PCLO: variants seen among roughly 807,000 people sequenced by gnomAD.
PCLO encodes the protein protein piccolo.
In PCLO, 82 loss-of-function variants were observed where a neutral mutation model predicts 427.5. The observed-to-expected ratio is 0.19, with a 90% confidence interval of 0.16 to 0.23. PCLO has a LOEUF of 0.23. PCLO is among the 10% of genes least tolerant of loss of function. The pLI is 1.00. For missense variants in PCLO, 6,239 were observed against 6,115.9 expected, an observed-to-expected ratio of 1.02 and a Z score of -0.67; for synonymous variants, 2,357 against 2,155.4, an observed-to-expected ratio of 1.09 and a Z score of -2.59.
intron 3 of PCLO, among the ~76,000 whole-genome samples, chr7:83,092,499 G>A (rs996295324): frequency 4.6e-5 from 7 of 152,068 alleles, no homozygotes; most frequent in South Asian, 2.1e-4. Context: ...TCCAAGAAGT[G>A]TACTCCCAAA....
chr7:82,759,962 G>A (rs547029470), intron 24 of PCLO, among the ~76,000 whole-genome samples: 1 of 152,020 alleles, frequency 6.6e-6, no homozygotes, highest in African/African-American at 2.4e-5. Flanking sequence ...TTGTGAATAA[G>A]GTAAGATGAA....
intron 6 of PCLO, among the ~76,000 whole-genome samples, chr7:82,936,472 C>A (rs1281329629): frequency 6.6e-6 from 1 of 151,454 alleles, no homozygotes; most frequent in African/African-American, 2.4e-5. Flanking sequence ...AATGAGATAC[C>A]AATTCACATT....
chr7:83,064,647 C>A (rs1271199546), intron 3 of PCLO, among the ~76,000 whole-genome samples: 4 of 151,944 alleles, frequency 2.6e-5, no homozygotes, highest in African/African-American at 4.8e-5. Context: ...CAATATTCCA[C>A]AGGATGGGGA....
At chr7:83,088,650 G>A (rs191302819) in intron 3 of PCLO, among the ~76,000 whole-genome samples, 286 of 152,166 alleles carry the variant, frequency 1.9e-3, no homozygotes, top group Non-Finnish European at 3.1e-3. Context: ...CATTGAATGC[G>A]GACCTCCTTG....
At chr7:82,912,361 G>GA (rs1216771546) in intron 7 of PCLO, among the ~76,000 whole-genome samples, 2 of 151,610 alleles carry the variant, frequency 1.3e-5, no homozygotes, top group East Asian at 3.9e-4. Context: ...CTCATTAGAA[G>GA]AAAAATAGTA....
At chr7:82,905,140 C>T (rs1227682227) in intron 8 of PCLO, among the ~76,000 whole-genome samples, 1 of 152,016 alleles carries the variant, frequency 6.6e-6, no homozygotes, top group African/African-American at 2.4e-5. Context: ...ACATTCCTCT[C>T]CCCAAGGGGA....
intron 3 of PCLO, among the ~76,000 whole-genome samples, chr7:83,031,041 G>T (rs1788653533): frequency 6.6e-6 from 1 of 152,150 alleles, no homozygotes; most frequent in Non-Finnish European, 1.5e-5. Context: ...GGCCACCTCT[G>T]TTTTTAACTT....
At chr7:82,843,255 G>A (rs552795059) in intron 13 of PCLO, among the ~76,000 whole-genome samples, 1 of 152,264 alleles carries the variant, frequency 6.6e-6, no homozygotes, top group South Asian at 2.1e-4. Flanking sequence ...TTTGTAACAA[G>A]ATGGATAAAC....
Position 83,022,990 on chromosome 7 carries a change from G to T in PCLO, c.3301-56503C>A, listed in dbSNP as rs190428729. ...ATCTATAAATGCATATATCAAATCT[G>T]TACATGTATAATCAAATCTAAGATA... On this transcript the variant is annotated intron_variant, in intron 3 of 24. Coordinates refer to ENST00000333891, the MANE Select transcript of PCLO (RefSeq NM_033026.6). 1.1e-3 allele frequency among the ~76,000 whole-genome samples: 168 copies of T among 152,192 alleles called. 1 individual carries two copies. The highest frequency in any genetic ancestry group is 2.1e-3 in the Non-Finnish European group (142 of 68,004).
At position 83,155,589 on chromosome 7, in the gene PCLO, G is replaced by C. The variant is rs777708343; in HGVS notation, c.1052C>G (p.Pro351Arg). ...PLAQQPGTVK[P>R]PVQPPGTTKP... Reference sequence around the variant, plus strand: ...TGTTGTCCCTGGTGGCTGGACTGGGGGTTTCACTGTCCCTGGTTGTTGAGC... The same window carrying C: ...TGTTGTCCCTGGTGGCTGGACTGGGCGTTTCACTGTCCCTGGTTGTTGAGC... Residue 351 changes from proline to arginine, a missense_variant, in exon 2 of 25, where the codon CCC (proline) becomes CGC (arginine). By Grantham distance (103) the Pro-to-Arg change is moderately radical (BLOSUM62 -2). Coordinates refer to ENST00000333891, the MANE Select transcript of PCLO (RefSeq NM_033026.6). 1 of 1,612,608 alleles carries C rather than the reference G, an allele frequency of 6.2e-7. No homozygotes were observed. The highest frequency in any genetic ancestry group is 2.2e-5 in the East Asian group (1 of 44,700).
At chr7:82,787,740 G>C (rs1194822248) in intron 22 of PCLO, among the ~76,000 whole-genome samples, 1 of 151,946 alleles carries the variant, frequency 6.6e-6, no homozygotes, top group Non-Finnish European at 1.5e-5. Context: ...ATTTTACTCA[G>C]ATAAACTCAC....
intron 9 of PCLO, among the ~76,000 whole-genome samples, chr7:82,890,418 A>T (rs1487811356): frequency 6.6e-6 from 1 of 151,570 alleles, no homozygotes; most frequent in African/African-American, 2.4e-5. Flanking sequence ...TTAAGCAAGG[A>T]CTGTACCACA....
Position 82,879,474 on chromosome 7 carries a change from A to T in PCLO, c.13529-12T>A. On this transcript the variant is annotated splice_polypyrimidine_tract_variant and intron_variant, in intron 9 of 24. Transcript: ENST00000333891. ...TCCTAATCCATTACCTGTATTAAAC[A>T]ATTAGCAAATTATTAGTACTAATTT... 1.3e-6 allele frequency: 2 copies of T among 1,558,868 alleles called. No homozygotes were observed. The highest frequency in any genetic ancestry group is 2.7e-5 in the African/African-American group (2 of 73,632).
intron 3 of PCLO, among the ~76,000 whole-genome samples, chr7:82,971,597 A>G (rs989062940): frequency 6.8e-6 from 1 of 147,516 alleles, no homozygotes; most frequent in African/African-American, 2.5e-5. Context: ...TATAATATAT[A>G]TGATATGATA....
chr7:83,024,326 G>A (rs925028119), intron 3 of PCLO, among the ~76,000 whole-genome samples: 1 of 152,200 alleles, frequency 6.6e-6, no homozygotes, highest in Non-Finnish European at 1.5e-5. Context: ...CCCTTTCCTA[G>A]TCAAAGAAAG....
chr7:82,934,027 T>A (rs1447798024), intron 6 of PCLO, among the ~76,000 whole-genome samples: 1 of 151,954 alleles, frequency 6.6e-6, no homozygotes, highest in Non-Finnish European at 1.5e-5. Flanking sequence ...AGATTTTATT[T>A]TATAGAAGGT....
At chr7:82,832,125 A>T (rs983771093) in intron 16 of PCLO, among the ~76,000 whole-genome samples, 1 of 152,196 alleles carries the variant, frequency 6.6e-6, no homozygotes, top group Non-Finnish European at 1.5e-5. Context: ...AATTAGGACA[A>T]TTATATCTAA....
chr7:82,888,897 G>A (rs1562839057), intron 9 of PCLO, among the ~76,000 whole-genome samples: 1 of 152,148 alleles, frequency 6.6e-6, no homozygotes. Context: ...AATATTAGAT[G>A]CTGCGTAATT....
intron 9 of PCLO, among the ~76,000 whole-genome samples, chr7:82,887,919 A>G (rs1282492133): frequency 6.6e-6 from 1 of 151,992 alleles, no homozygotes; most frequent in East Asian, 1.9e-4. Context: ...AAGCTACAAA[A>G]ATTAGCCAGT....
Sources: allele counts gnomAD v4.1 joint callset (sites outside exome capture counted in the v4.1 genomes callset), GRCh38; gene constraint gnomAD v4.1.1; transcripts MANE v1.5; gene names NCBI Gene and HGNC (gene_info 2026-07-23, HGNC 2026-07-21).